The following LUZP2 variants were observed in gnomAD, a reference collection of about 807,000 sequenced individuals.
LUZP2 encodes leucine zipper protein 2.
Under a neutral mutation model 51.6 loss-of-function variants are expected in LUZP2, and 52 were observed. The observed-to-expected ratio is 1.01, with a 90% CI of 0.81 to 1.27. The LOEUF is 1.27. LUZP2 is among the 50% of genes most tolerant of loss of function. The pLI is 0.00. For synonymous variants in LUZP2, 154 were observed against 137.3 expected (o/e 1.12, Z -0.85); for missense variants, 436 against 395.4 (o/e 1.10, Z -0.87).
intron 5 of LUZP2, among the ~76,000 whole-genome samples, chr11:24,839,315 T>TA (rs917201753): frequency 6.6e-6 from 1 of 151,728 alleles, no homozygotes; most frequent in African/African-American, 2.4e-5. Context: ...ACTGATAGTG[T>TA]ACTAGTTTTA....
At chr11:24,754,750 A>G (rs138407670) in intron 4 of LUZP2, among the ~76,000 whole-genome samples, 1 of 152,302 alleles carries the variant, frequency 6.6e-6, no homozygotes, top group Non-Finnish European at 1.5e-5. Context: ...CCATTTCTTC[A>G]GGAATAAATT....
chr11:24,539,649 G>C (rs1212031672), intron 1 of LUZP2, among the ~76,000 whole-genome samples: 1 of 151,816 alleles, frequency 6.6e-6, no homozygotes, highest in Non-Finnish European at 1.5e-5. Flanking sequence ...TGGACATAAG[G>C]GGAAAAACAA....
chr11:24,516,592 A>G (rs1369445777), intron 1 of LUZP2, among the ~76,000 whole-genome samples: 3 of 152,202 alleles, frequency 2.0e-5, no homozygotes, highest in African/African-American at 7.2e-5. Flanking sequence ...TACAATTTAA[A>G]AGTGTATATT....
intron 4 of LUZP2, among the ~76,000 whole-genome samples, chr11:24,748,154 T>A (rs1476656057): frequency 6.6e-6 from 1 of 152,144 alleles, no homozygotes; most frequent in African/African-American, 2.4e-5. Flanking sequence ...ACACCCCTCC[T>A]GAAGGTTCTC....
intron 5 of LUZP2, among the ~76,000 whole-genome samples, chr11:24,884,611 G>T (rs891823142): frequency 6.6e-6 from 1 of 151,822 alleles, no homozygotes; most frequent in Admixed American, 6.6e-5. Context: ...ATCTCTCTTC[G>T]TTCGTCAGTC....
chr11:24,562,963 G>A (rs1188551853), intron 1 of LUZP2, among the ~76,000 whole-genome samples: 1 of 152,070 alleles, frequency 6.6e-6, no homozygotes, highest in African/African-American at 2.4e-5. Flanking sequence ...AAGTAGATAA[G>A]CAACTAGGCT....
chr11:24,864,013 A>G (rs997700644), intron 5 of LUZP2, among the ~76,000 whole-genome samples: 4 of 152,102 alleles, frequency 2.6e-5, no homozygotes, highest in African/African-American at 9.7e-5. Flanking sequence ...TTACTGTACA[A>G]TGGGTAACTT....
Position 24,533,284 on chromosome 11 carries a change from T to C in LUZP2, c.62+35979T>C, listed in dbSNP as rs115367022. 8.7e-3 allele frequency among the ~76,000 whole-genome samples: 1,321 copies of C among 151,432 alleles called. 21 individuals are homozygous for C. The highest frequency in any genetic ancestry group is 0.03 in the African/African-American group (1,263 of 41,482). On this transcript the variant is annotated intron_variant, in intron 1 of 11. Transcript: ENST00000336930. ...TGGGAAGTTCCACATATTTTTCTTT[T>C]GTCTTCTCAGGCATTGATCAGCCAT...
intron 1 of LUZP2, among the ~76,000 whole-genome samples, chr11:24,512,753 G>GT (rs752175146): frequency 0.09 from 12,628 of 140,678 alleles, 590 homozygotes; most frequent in African/African-American, 0.12. Context: ...TTTTTTCTTT[G>GT]TTTTTTTTTT....
intron 9 of LUZP2, among the ~76,000 whole-genome samples, chr11:25,003,173 A>G (rs11512143): frequency 0.4 from 60,934 of 152,056 alleles, 14,504 homozygotes; most frequent in East Asian, 0.78. Context: ...TGAGGCTTCC[A>G]AACTGGTAGC....
intron 1 of LUZP2, among the ~76,000 whole-genome samples, chr11:24,607,019 C>A (rs188978550): frequency 3.8e-4 from 57 of 151,944 alleles, no homozygotes; most frequent in African/African-American, 1.3e-3. Flanking sequence ...CTGAATTGTA[C>A]GACTTCCTTA....
At chr11:25,019,863 A>G (rs900804817) in intron 9 of LUZP2, among the ~76,000 whole-genome samples, 2 of 147,502 alleles carry the variant, frequency 1.4e-5, no homozygotes, top group Admixed American at 6.6e-5. Context: ...CACATACTTT[A>G]TCTTCTTAAA....
intron 1 of LUZP2, among the ~76,000 whole-genome samples, chr11:24,660,867 A>G (rs1442218489): frequency 6.6e-6 from 1 of 152,176 alleles, no homozygotes; most frequent in Non-Finnish European, 1.5e-5. Context: ...ATGAAATAAT[A>G]CTGCTTATAT....
chr11:24,521,082 G>C (rs1850623961), intron 1 of LUZP2, among the ~76,000 whole-genome samples: 2 of 152,166 alleles, frequency 1.3e-5, no homozygotes, highest in African/African-American at 4.8e-5. Context: ...TGGGCGTGGT[G>C]GCTCACGCCT....
At position 24,567,118 on chromosome 11, in the gene LUZP2, G is replaced by A. The variant is rs914653644; in HGVS notation, c.62+69813G>A. Among the ~76,000 whole-genome samples, 20 of 150,472 alleles carry A rather than the reference G, an allele frequency of 1.3e-4. No individual in the cohort carries two copies. The South Asian group carries it at 1.5e-3, about 11-fold the overall frequency. ...GGTCTCCCAAAGTGCTGGGATAACA[G>A]GCGTGAGCCACTATGTCCAGCCAAA... On this transcript the variant is annotated intron_variant, in intron 1 of 11. Transcript: ENST00000336930.
chr11:24,687,921 C>T (rs762120648), intron 1 of LUZP2, among the ~76,000 whole-genome samples: 13 of 152,098 alleles, frequency 8.5e-5, no homozygotes, highest in Non-Finnish European at 1.6e-4. Context: ...TCTTCCTGGG[C>T]ACAGCACCCC....
chr11:24,804,055 C>T (rs1849779576), intron 5 of LUZP2, among the ~76,000 whole-genome samples: 1 of 149,402 alleles, frequency 6.7e-6, no homozygotes, highest in Non-Finnish European at 1.5e-5. Context: ...ACTTCTGAAA[C>T]CAAATATATG....
intron 1 of LUZP2, among the ~76,000 whole-genome samples, chr11:24,697,324 T>A (rs1045602823): frequency 2.0e-5 from 3 of 152,156 alleles, no homozygotes; most frequent in Admixed American, 2.0e-4. Context: ...TCTATGTATA[T>A]GAGGGAGCTT....
intron 5 of LUZP2, among the ~76,000 whole-genome samples, chr11:24,815,008 A>G (rs1381470188): frequency 5.0e-5 from 1 of 20,124 alleles, no homozygotes; most frequent in Non-Finnish European, 1.2e-4. Context: ...AAAAAAAAAT[A>G]AAAATAATCA....
Sources: allele counts gnomAD v4.1 joint callset (sites outside exome capture counted in the v4.1 genomes callset), GRCh38; gene constraint gnomAD v4.1.1; transcripts MANE v1.5; gene names NCBI Gene and HGNC (gene_info 2026-07-23, HGNC 2026-07-21).